Variants in KCNQ3 observed in about 807,000 individuals in gnomAD.
KCNQ3 encodes the protein potassium voltage-gated channel subfamily Q member 3.
A neutral mutation model predicts 92.5 loss-of-function variants in KCNQ3; 30 were observed. The ratio of observed to expected loss-of-function variants is 0.32; its 90% CI spans 0.24 to 0.44. The LOEUF is 0.44. KCNQ3 is among the 20% of genes least tolerant of loss of function. KCNQ3 has a pLI of 1.00. For synonymous variants in KCNQ3, 450 were observed against 468.8 expected, an observed-to-expected ratio of 0.96 and a Z score of 0.52; for missense variants, 913 against 1,140.3, an observed-to-expected ratio of 0.80 and a Z score of 2.87.
chr8:132,424,724 G>C (rs974662707), intron 1 of KCNQ3, among the ~76,000 whole-genome samples: 1 of 152,364 alleles, frequency 6.6e-6, no homozygotes, highest in South Asian at 2.1e-4. Flanking sequence ...GAAGGCTCTA[G>C]AGGAGAGCCC....
At chr8:132,295,828 AACAGTGAGAAC>A (rs1295893321) in intron 1 of KCNQ3, among the ~76,000 whole-genome samples, 1 of 152,228 alleles carries the variant, frequency 6.6e-6, no homozygotes, top group Admixed American at 6.5e-5. Context: ...GTGGGAGCTG[AACAGTGAGAAC>A]ACATGGACAC....
At chr8:132,255,377 T>A (rs1251539253) in intron 1 of KCNQ3, among the ~76,000 whole-genome samples, 1 of 152,200 alleles carries the variant, frequency 6.6e-6, no homozygotes, top group Non-Finnish European at 1.5e-5. Flanking sequence ...GTGGCAATTG[T>A]TAAACACTGC....
intron 1 of KCNQ3, among the ~76,000 whole-genome samples, chr8:132,257,020 A>C (rs897649491): frequency 6.6e-6 from 1 of 152,186 alleles, no homozygotes; most frequent in Non-Finnish European, 1.5e-5. Flanking sequence ...CTGATTTAAA[A>C]GACAACCCAT....
At chr8:132,308,293 C>T (rs533111600) in intron 1 of KCNQ3, among the ~76,000 whole-genome samples, 1 of 152,088 alleles carries the variant, frequency 6.6e-6, no homozygotes, top group African/African-American at 2.4e-5. Flanking sequence ...CCTGCCTTCC[C>T]GAAGCCTGAA....
At chr8:132,236,250 A>C (rs1402861201) in intron 1 of KCNQ3, among the ~76,000 whole-genome samples, 1 of 152,192 alleles carries the variant, frequency 6.6e-6, no homozygotes, top group Non-Finnish European at 1.5e-5. Context: ...GAAAATATTT[A>C]AATCTTCCAG....
chr8:132,363,420 T>C (rs754904226), intron 1 of KCNQ3, among the ~76,000 whole-genome samples: 7 of 152,092 alleles, frequency 4.6e-5, no homozygotes, highest in Admixed American at 1.3e-4. Flanking sequence ...GAATGCACTT[T>C]GGAAAATGCT....
chr8:132,421,894 C>T (rs1273428196), intron 1 of KCNQ3, among the ~76,000 whole-genome samples: 1 of 152,104 alleles, frequency 6.6e-6, no homozygotes. Flanking sequence ...CAGGATGGGC[C>T]AGGTTCAAAT....
intron 8 of KCNQ3, 150 bp from the exon 9 acceptor site, chr8:132,163,644 A>G: frequency 9.3e-6 from 7 of 752,064 alleles, no homozygotes; most frequent in Non-Finnish European, 7.0e-6. Context: ...GGAACCAATG[A>G]AGGAGGCGGG....
chr8:132,325,751 C>T (rs1818029748), intron 1 of KCNQ3, among the ~76,000 whole-genome samples: 1 of 152,134 alleles, frequency 6.6e-6, no homozygotes, highest in Admixed American at 6.5e-5. Context: ...GTCTGTAGTA[C>T]TTTGTTTTGA....
chr8:132,160,198 G>A lies in KCNQ3; in HGVS notation c.1262+3270C>T, dbSNP rs527687515. Among the ~76,000 whole-genome samples the A allele has an allele frequency of 6.6e-4, 100 of 152,276 alleles. 1 individual carries two copies. Among genetic ancestry groups the A allele is most frequent in the African/African-American group, 2.3e-3 (95 of 41,560 alleles). On this transcript the variant is annotated intron_variant, in intron 9 of 14. Transcript: ENST00000388996. ...AGACCTTCTGGCTGAGGGAAGACAA[G>A]AGCTGAGATCATGCGTCCATTGTAT...
chr8:132,121,571 AT>A lies in KCNQ3; in HGVS notation c.*7690del. The A allele has an allele frequency of 6.6e-6, 1 of 152,328 alleles. No individual in the cohort carries two copies. Among genetic ancestry groups the A allele is most frequent in the South Asian group, 2.1e-4 (1 of 4,830 alleles). The allele number at this position is 152,328 out of a possible 1,614,324, so 9.4% of individuals were successfully genotyped here. A position where few individuals can be genotyped will look rare whatever the true frequency, so the allele number is the denominator to read the frequency against. ...ATTCAGAGGGGTATAGAAGGGCCCA[AT>A]TACCAGATCAGGTTGGCTTCCATGG... On this transcript the variant is annotated 3_prime_UTR_variant, in exon 15 of 15. Coordinates refer to ENST00000388996, the MANE Select transcript of KCNQ3 (RefSeq NM_004519.4).
intron 4 of KCNQ3, among the ~76,000 whole-genome samples, chr8:132,178,789 A>G (rs1053432047): frequency 1.3e-5 from 2 of 151,824 alleles, no homozygotes; most frequent in Non-Finnish European, 2.9e-5. Context: ...TGGTCACGTT[A>G]ACATGCATAA....
chr8:132,163,628 G>T (rs73355088), intron 8 of KCNQ3, 134 bp from the exon 9 acceptor site: 4 of 804,948 alleles, frequency 5.0e-6, no homozygotes, highest in Non-Finnish European at 8.5e-6. Flanking sequence ...GATGGTCAGT[G>T]TGGAGGGAAC....
chr8:132,458,047 C>T (rs1821982591), intron 1 of KCNQ3, among the ~76,000 whole-genome samples: 5 of 152,192 alleles, frequency 3.3e-5, no homozygotes, highest in Admixed American at 3.3e-4. Context: ...TCCACATCCT[C>T]CTTATGGCAA....
At chr8:132,183,336 G>A (rs922632720) in intron 3 of KCNQ3, among the ~76,000 whole-genome samples, 1 of 152,126 alleles carries the variant, frequency 6.6e-6, no homozygotes, top group African/African-American at 2.4e-5. Flanking sequence ...GTTAAAATGA[G>A]ATAAATGCCT....
chr8:132,228,330 T>G (rs1814499861), intron 1 of KCNQ3, among the ~76,000 whole-genome samples: 1 of 152,110 alleles, frequency 6.6e-6, no homozygotes. Flanking sequence ...ATTGAATAAC[T>G]CACTGATTCA....
At position 132,303,579 on chromosome 8, in the gene KCNQ3, TGG is replaced by T. The variant is rs1563849723; in HGVS notation, c.387-117400_387-117399del. Among the ~76,000 whole-genome samples, 32 of 33,818 alleles carry T rather than the reference TGG, an allele frequency of 9.5e-4. 3 individuals are homozygous for T. Among genetic ancestry groups the T allele is most frequent in the African/African-American group, 2.4e-3 (23 of 9,508 alleles). 22.2% of individuals were successfully genotyped at this position (33,818 alleles called of 152,430 possible). ...AAAGAAAATGTGATATATATATATA[TGG>T]TGTGTGTGTATATATATATGGTGTG... is the stretch of plus-strand genomic sequence containing the variant. On this transcript the variant is annotated intron_variant, in intron 1 of 14. Transcript: ENST00000388996.
At chr8:132,413,644 T>C (rs1820714203) in intron 1 of KCNQ3, among the ~76,000 whole-genome samples, 1 of 152,238 alleles carries the variant, frequency 6.6e-6, no homozygotes, top group African/African-American at 2.4e-5. Context: ...GAGACTTGTG[T>C]GCTGCAATGG....
chr8:132,167,989 C>T (rs1325437137), intron 8 of KCNQ3, among the ~76,000 whole-genome samples: 2 of 152,224 alleles, frequency 1.3e-5, no homozygotes, highest in African/African-American at 4.8e-5. Context: ...ACAGGGATAG[C>T]ATTTTAGAAT....
Sources: gnomAD v4.1 joint callset for allele counts (sites outside exome capture counted in the v4.1 genomes callset) on GRCh38, gnomAD v4.1.1 for gene constraint, MANE v1.5 for transcripts, NCBI Gene and HGNC (gene_info 2026-07-23, HGNC 2026-07-21) for gene names.